PPCDC: variants seen among roughly 807,000 people sequenced by gnomAD.
PPCDC encodes the protein phosphopantothenoylcysteine decarboxylase.
A neutral mutation model predicts 20.7 loss-of-function variants in PPCDC; 20 were observed. That is an observed-to-expected ratio of 0.97 (90% CI 0.68 to 1.41). The LOEUF (loss-of-function observed/expected upper bound fraction) is 1.41. Among genes scored for constraint, PPCDC ranks in the 40% most tolerant of loss-of-function variants. The pLI is 0.00. For missense variants in PPCDC, 246 were observed against 263.8 expected, an observed-to-expected ratio of 0.93 and a Z score of 0.47; for synonymous variants, 88 against 100.3, an observed-to-expected ratio of 0.88 and a Z score of 0.73.
chr15:75,031,307 C>A (rs12594117), intron 2 of PPCDC, among the ~76,000 whole-genome samples: 17 of 152,150 alleles, frequency 1.1e-4, no homozygotes, highest in South Asian at 2.1e-4. Context: ...CAGTAAAATC[C>A]GGGTTGTCAG....
chr15:75,032,832 G>A (rs1341400568), intron 2 of PPCDC, among the ~76,000 whole-genome samples: 2 of 149,072 alleles, frequency 1.3e-5, no homozygotes, highest in Non-Finnish European at 3.0e-5. Flanking sequence ...ACAGGGTCTT[G>A]TTCTGTTGCT....
At chr15:75,040,156 C>T (rs868854166) in intron 2 of PPCDC, among the ~76,000 whole-genome samples, 7 of 152,148 alleles carry the variant, frequency 4.6e-5, no homozygotes, top group Non-Finnish European at 7.4e-5. Context: ...GATCTTGGCT[C>T]ACTGCAGCCT....
intron 2 of PPCDC, 139 bp from the exon 3 acceptor site, chr15:75,043,302 G>C: frequency 1.5e-6 from 1 of 663,912 alleles, no homozygotes; most frequent in South Asian, 1.9e-5. Flanking sequence ...GAGGCTTGCA[G>C]CTAAGGAGGG....
At chr15:75,048,885 G>A (rs1283987307) in intron 5 of PPCDC, among the ~76,000 whole-genome samples, 164 bp downstream of exon 5, 5 of 152,244 alleles carry the variant, frequency 3.3e-5, no homozygotes, top group Non-Finnish European at 5.9e-5. Context: ...CTCCAGATTG[G>A]TAGGGTAAAA....
At chr15:75,025,915 T>C (rs1050823852) in intron 1 of PPCDC, among the ~76,000 whole-genome samples, 10 of 152,312 alleles carry the variant, frequency 6.6e-5, no homozygotes, top group African/African-American at 2.2e-4. Flanking sequence ...TTTCTATTCT[T>C]CAAGTATATT....
intron 2 of PPCDC, among the ~76,000 whole-genome samples, chr15:75,033,946 G>A (rs1326384430): frequency 1.3e-5 from 2 of 152,170 alleles, no homozygotes; most frequent in African/African-American, 4.8e-5. Flanking sequence ...CACACAGAAG[G>A]GTTGGCATGA....
chr15:75,038,259 C>T (rs1364099292), intron 2 of PPCDC, among the ~76,000 whole-genome samples: 3 of 152,186 alleles, frequency 2.0e-5, no homozygotes, highest in Non-Finnish European at 4.4e-5. Flanking sequence ...GCCACACCCA[C>T]GCCCGTGGAC....
At chr15:75,038,827 C>G (rs1461950632) in intron 2 of PPCDC, among the ~76,000 whole-genome samples, 2 of 151,784 alleles carry the variant, frequency 1.3e-5, no homozygotes. Flanking sequence ...TGAATTGATT[C>G]AATTTTCTCA....
At position 75,049,145 on chromosome 15, in the gene PPCDC, C is replaced by T. The variant is rs979251446; in HGVS notation, c.530-5C>T. The T allele has an allele frequency of 4.3e-6, 7 of 1,613,840 alleles. No homozygotes were observed. Among genetic ancestry groups the T allele is most frequent in the African/African-American group, 1.3e-5 (1 of 74,912 alleles). On this transcript the variant is annotated splice_region_variant and splice_polypyrimidine_tract_variant and intron_variant, in intron 5 of 5. Transcript: ENST00000342932. The stretch of plus-strand genomic sequence containing the variant: ...TGTCTGGCCACAGCGGAATTTTGCT[C>T]CCAGGTCTCGGGGCCATGGCTGAAG...
rs1261605143 is a variant in PPCDC, at chr15:75,049,630, T to C, written c.*395T>C. ...TGGGAGTTTCAGCTCTTTGGCGGGGTGCCCAGGTGCCATGCGATCAGCGAA... is the reference window on the plus strand; with the variant it reads ...TGGGAGTTTCAGCTCTTTGGCGGGGCGCCCAGGTGCCATGCGATCAGCGAA... On this transcript the variant is annotated 3_prime_UTR_variant, in exon 6 of 6. Coordinates refer to ENST00000342932, the MANE Select transcript of PPCDC (RefSeq NM_021823.5). The C allele has an allele frequency of 5.6e-6, 1 of 178,418 alleles. No homozygotes were observed. The highest frequency in any genetic ancestry group is 1.2e-5 in the Non-Finnish European group (1 of 84,954). 11.1% of individuals were successfully genotyped at this position (178,418 alleles called of 1,614,324 possible).
Position 75,049,248 on chromosome 15 carries a change from G to T in PPCDC, c.*13G>T. The T allele has an allele frequency of 6.2e-7, 1 of 1,610,814 alleles. No homozygotes were observed. Among genetic ancestry groups the T allele is most frequent in the Non-Finnish European group, 8.5e-7 (1 of 1,176,958 alleles). ...CCAGCAGAGTTGACCTGGGATTTCT[G>T]TCATGGGTGTCCCTCTGTACTCAGA... is the stretch of plus-strand genomic sequence containing the variant. On this transcript the variant is annotated 3_prime_UTR_variant, in exon 6 of 6. Coordinates refer to ENST00000342932, the MANE Select transcript of PPCDC (RefSeq NM_021823.5).
At position 75,047,120 on chromosome 15, in the gene PPCDC, G is replaced by T. The variant is rs375234158; in HGVS notation, c.361-1433G>T. On this transcript the variant is annotated intron_variant, in intron 4 of 5. Coordinates refer to ENST00000342932, the MANE Select transcript of PPCDC (RefSeq NM_021823.5). Reference sequence around the variant, plus strand: ...TTGTCTGAGAGGAGTTGGAGTGCTGGTTTTCACCCTGGTTGGTGTGCTTTG... The same window carrying T: ...TTGTCTGAGAGGAGTTGGAGTGCTGTTTTTCACCCTGGTTGGTGTGCTTTG... 3.9e-5 allele frequency among the ~76,000 whole-genome samples: 6 copies of T among 152,340 alleles called. No homozygotes were observed. In the South Asian group the frequency reaches 1.0e-3, roughly 26 times the overall value.
chr15:75,033,979 C>G (rs1452722342), intron 2 of PPCDC, among the ~76,000 whole-genome samples: 2 of 152,176 alleles, frequency 1.3e-5, no homozygotes, highest in African/African-American at 2.4e-5. Context: ...ACCAGAACAC[C>G]AGCTCCCCCA....
At chr15:75,044,135 A>G (rs556921264) in intron 3 of PPCDC, among the ~76,000 whole-genome samples, 15 of 146,156 alleles carry the variant, frequency 1.0e-4, no homozygotes, top group African/African-American at 3.8e-4. Context: ...GCCAGATGTC[A>G]GTTCTCTTGA....
chr15:75,039,806 T>C (rs1316685711), intron 2 of PPCDC, among the ~76,000 whole-genome samples: 8 of 149,360 alleles, frequency 5.4e-5, no homozygotes, highest in African/African-American at 1.5e-4. Context: ...TTTTTTGAGA[T>C]GGAGTTTCAC....
intron 4 of PPCDC, among the ~76,000 whole-genome samples, chr15:75,045,702 G>A (rs145499278): frequency 1.4e-4 from 22 of 152,194 alleles, no homozygotes; most frequent in Admixed American, 6.5e-4. Context: ...CCAGGAGCAG[G>A]GGTAGGGAGT....
intron 5 of PPCDC, 128 bp from the exon 6 acceptor site, chr15:75,049,022 T>C (rs2066278391): frequency 1.1e-6 from 1 of 925,798 alleles, no homozygotes; most frequent in Non-Finnish European, 1.7e-6. Flanking sequence ...TGTGTCTGGC[T>C]CAGGCAAAGA....
chr15:75,040,151 T>G (rs1020431543), intron 2 of PPCDC, among the ~76,000 whole-genome samples: 1 of 152,070 alleles, frequency 6.6e-6, no homozygotes, highest in African/African-American at 2.4e-5. Flanking sequence ...GGCATGATCT[T>G]GGCTCACTGC....
intron 2 of PPCDC, among the ~76,000 whole-genome samples, chr15:75,036,561 T>C (rs182254588): frequency 1.1e-4 from 16 of 152,180 alleles, no homozygotes; most frequent in African/African-American, 3.4e-4. Flanking sequence ...TCCCTAACAA[T>C]GTGACTGTAA....
Sources: allele counts gnomAD v4.1 joint callset (sites outside exome capture counted in the v4.1 genomes callset), GRCh38; gene constraint gnomAD v4.1.1; transcripts MANE v1.5; gene names NCBI Gene and HGNC (gene_info 2026-07-23, HGNC 2026-07-21).